The following NOTCH2 variants were observed in gnomAD, a reference collection of about 807,000 sequenced individuals.
NOTCH2 encodes notch receptor 2, also known as neurogenic locus notch homolog protein 2.
In NOTCH2, 29 loss-of-function variants were observed where a neutral mutation model predicts 235.8. The ratio of observed to expected loss-of-function variants is 0.12; its 90% confidence interval spans 0.09 to 0.17. NOTCH2 has a LOEUF of 0.17. Among genes scored for constraint, NOTCH2 ranks in the 10% least tolerant of loss-of-function variants. The pLI is 1.00. For synonymous variants in NOTCH2, 1,086 were observed against 1,141.5 expected, an observed-to-expected ratio of 0.95 and a Z score of 0.98; for missense variants, 2,285 against 3,150.2, an observed-to-expected ratio of 0.73 and a Z score of 6.57.
In NOTCH2 at chr1:119,934,728, G is replaced by A. The variant is rs587646296; in HGVS notation, c.3655+744C>T. Among the ~76,000 whole-genome samples, 8 of 152,310 alleles carry A rather than the reference G, an allele frequency of 5.3e-5. No homozygotes were observed. The East Asian group carries it at 1.5e-3, about 29-fold the overall frequency. On this transcript the variant is annotated intron_variant, in intron 22 of 33. Transcript: ENST00000256646. ...TATTCTCTTTGACACTAACAAGGAT[G>A]AATTTCTCACCAGTGTGGATGGCCT... is the stretch of plus-strand genomic sequence containing the variant.
At chr1:119,955,280 A>G in intron 12 of NOTCH2, 48 bp from the exon 13 acceptor site, 1 of 1,567,862 alleles carries the variant, frequency 6.4e-7, no homozygotes, top group Non-Finnish European at 8.8e-7. Context: ...TGCTTAGGAA[A>G]TAGACCCAGA....
chr1:119,926,643 A>G, intron 23 of NOTCH2, 32 bp from the exon 24 acceptor site: 1 of 1,537,810 alleles, frequency 6.5e-7, no homozygotes, highest in Non-Finnish European at 8.8e-7. Context: ...AAGGTTTTAA[A>G]AGGCAGAAGT....
intron 21 of NOTCH2, among the ~76,000 whole-genome samples, chr1:119,935,833 T>C (rs1553195677): frequency 6.6e-6 from 1 of 152,156 alleles, no homozygotes; most frequent in Non-Finnish European, 1.5e-5. Flanking sequence ...AAAAGGCACT[T>C]TAAAGGGAAG....
At chr1:120,048,361 T>C (rs1236650138) in intron 1 of NOTCH2, among the ~76,000 whole-genome samples, 1 of 136,810 alleles carries the variant, frequency 7.3e-6, no homozygotes, top group Non-Finnish European at 1.5e-5. Flanking sequence ...GACCCATTCG[T>C]GGTCATGATC....
intron 1 of NOTCH2, among the ~76,000 whole-genome samples, chr1:120,047,944 T>C (rs1389902771): frequency 6.8e-6 from 1 of 146,896 alleles, no homozygotes; most frequent in African/African-American, 2.5e-5. Flanking sequence ...TTTGCATTTT[T>C]TTCCGTAGAG....
chr1:120,037,574 G>A (rs1654357421), intron 1 of NOTCH2, among the ~76,000 whole-genome samples: 1 of 150,138 alleles, frequency 6.7e-6, no homozygotes, highest in Non-Finnish European at 1.5e-5. Flanking sequence ...CAAACAAACA[G>A]AAGAAGTGCG....
chr1:119,975,247 A>G (rs188596121), intron 5 of NOTCH2, among the ~76,000 whole-genome samples: 1 of 152,322 alleles, frequency 6.6e-6, no homozygotes, highest in East Asian at 1.9e-4. Flanking sequence ...CCAAGCCACC[A>G]TTAGCAAAGG....
chr1:119,971,397 C>T (rs782492833), intron 5 of NOTCH2, among the ~76,000 whole-genome samples: 23 of 152,224 alleles, frequency 1.5e-4, no homozygotes, highest in Non-Finnish European at 3.1e-4. Context: ...GGCTGACTGA[C>T]CCAAGATGGG....
At chr1:119,979,503 C>T in intron 5 of NOTCH2, among the ~76,000 whole-genome samples, 1 of 152,112 alleles carries the variant, frequency 6.6e-6, no homozygotes, top group East Asian at 1.9e-4. Flanking sequence ...TGTATGAAGG[C>T]AACTAAATCA....
rs1307790668 is a variant in NOTCH2, at chr1:119,974,455, G to A, written c.875-4711C>T. Among the ~76,000 whole-genome samples, 5 of 152,252 alleles carry A rather than the reference G, an allele frequency of 3.3e-5. No individual in the cohort carries two copies. In the South Asian group the frequency reaches 8.3e-4, roughly 25 times the overall value. On this transcript the variant is annotated intron_variant, in intron 5 of 33. Transcript: ENST00000256646. ...CCTCTCTAATGCCACAATGACTCTGGAATAATCTGAAATGAAATGTCAAAC... is the reference window on the plus strand; with the variant it reads ...CCTCTCTAATGCCACAATGACTCTGAAATAATCTGAAATGAAATGTCAAAC...
chr1:119,915,158 TGCA>T lies in NOTCH2; in HGVS notation c.*145_*147del. On this transcript the variant is annotated 3_prime_UTR_variant, in exon 34 of 34. Transcript: ENST00000256646. ...AGTGAAACTGACGAATTGCTTCTCT[TGCA>T]TTATCTGAATAAGAACATCTTCTCT... The T allele has an allele frequency of 6.2e-6, 5 of 812,592 alleles. No individual in the cohort carries two copies. Among genetic ancestry groups the T allele is most frequent in the Non-Finnish European group, 1.0e-5 (5 of 488,088 alleles). 50.3% of individuals were successfully genotyped at this position (812,592 alleles called of 1,614,324 possible).
At chr1:119,928,593 A>G (rs1649550724) in intron 23 of NOTCH2, among the ~76,000 whole-genome samples, 1 of 152,238 alleles carries the variant, frequency 6.6e-6, no homozygotes, top group South Asian at 2.1e-4. Context: ...ATGTCAATGT[A>G]CTAAACAATG....
Position 119,916,138 on chromosome 1 carries a change from G to A in NOTCH2, c.6584C>T (p.Ala2195Val), listed in dbSNP as rs867877904. 1.9e-6 allele frequency: 3 copies of A among 1,614,228 alleles called. No individual in the cohort carries two copies. The highest frequency in any genetic ancestry group is 2.7e-5 in the African/African-American group (2 of 75,074). The stretch of plus-strand genomic sequence containing the variant: ...GTTAGAAAAAGATAGTGCATGCTGG[G>A]CATGGACTGGGGCAGGAGGGGCGGC... ...ATAAPPAPVHAQHALSFSNLH... is the reference protein window; with the variant it reads ...ATAAPPAPVHVQHALSFSNLH... The change falls in exon 34 of 34, where the codon GCC becomes GTC. Residue 2195 changes from alanine (A) to valine (V), a missense_variant. Ala to Val is a moderately conservative substitution (Grantham distance 64). This residue lies in a region of NOTCH2 where 504 missense variants were observed against 538.0 expected (regional missense o/e 0.94). Coordinates refer to ENST00000256646, the MANE Select transcript of NOTCH2 (RefSeq NM_024408.4).
At chr1:119,950,103 C>T (rs962319417) in intron 15 of NOTCH2, 4 of 233,176 alleles carry the variant, frequency 1.7e-5, no homozygotes, top group Non-Finnish European at 3.4e-5. Flanking sequence ...TAACAGCCAT[C>T]GAAGGGGTGA....
chr1:119,967,331 G>A, intron 8 of NOTCH2, 102 bp downstream of exon 8: 1 of 1,076,930 alleles, frequency 9.3e-7, no homozygotes, highest in Non-Finnish European at 1.4e-6. Flanking sequence ...ATCAAATGCT[G>A]ACAGAGCTCA....
intron 15 of NOTCH2, 131 bp downstream of exon 15, chr1:119,950,593 A>C (rs1404711811): frequency 2.7e-6 from 2 of 738,890 alleles, no homozygotes; most frequent in African/African-American, 3.4e-5. Context: ...CAGTAAAGGC[A>C]GGAAGGACAA....
chr1:119,946,467 A>G (rs1650259171), intron 17 of NOTCH2, among the ~76,000 whole-genome samples: 1 of 152,122 alleles, frequency 6.6e-6, no homozygotes, highest in South Asian at 2.1e-4. Flanking sequence ...GACCAAGTGG[A>G]ATATAGCCCA....
intron 4 of NOTCH2, chr1:119,995,716 G>C (rs1408481535): frequency 3.3e-5 from 5 of 152,152 alleles, no homozygotes; most frequent in Non-Finnish European, 5.9e-5. Context: ...TAAATAGCTT[G>C]TTCTTGTGAC....
chr1:119,935,162 C>G, intron 22 of NOTCH2: 12 of 1,230,072 alleles, frequency 9.8e-6, no homozygotes, highest in Middle Eastern at 3.3e-4. Context: ...TTCTGTGAAG[C>G]AACAAGAAAT....
Sources: allele counts gnomAD v4.1 joint callset (sites outside exome capture counted in the v4.1 genomes callset), GRCh38; gene constraint gnomAD v4.1.1; regional missense constraint gnomAD v4.1.1; transcripts MANE v1.5; gene names NCBI Gene and HGNC (gene_info 2026-07-23, HGNC 2026-07-21).